Variants in CCNY observed in about 807,000 individuals in gnomAD.
The protein encoded by CCNY is cyclin-Y.
A neutral mutation model predicts 42.8 loss-of-function variants in CCNY; 19 were observed. The observed-to-expected ratio is 0.44, with a 90% confidence interval of 0.31 to 0.65. The LOEUF (loss-of-function observed/expected upper bound fraction) is 0.65. Ranked by LOEUF, CCNY falls within the 30% of genes least tolerant of loss-of-function variation. The pLI, the probability that CCNY is intolerant of heterozygous loss-of-function variation, is 0.07. For synonymous variants in CCNY, 165 were observed against 162.7 expected (o/e 1.01, Z -0.11); for missense variants, 370 against 437.3 (o/e 0.85, Z 1.37).
intron 3 of CCNY, among the ~76,000 whole-genome samples, chr10:35,279,933 T>A (rs1382152948): frequency 6.6e-6 from 1 of 152,238 alleles, no homozygotes; most frequent in Non-Finnish European, 1.5e-5. Flanking sequence ...AACTCCTCAA[T>A]AAACTTGTTT....
At chr10:35,465,792 G>A (rs1239696022) in intron 1 of CCNY, among the ~76,000 whole-genome samples, 1 of 152,086 alleles carries the variant, frequency 6.6e-6, no homozygotes, top group Non-Finnish European at 1.5e-5. Flanking sequence ...AATCTCACCT[G>A]CTCTGTGCAG....
chr10:35,444,332 C>T (rs541557653), intron 1 of CCNY, among the ~76,000 whole-genome samples: 2 of 151,508 alleles, frequency 1.3e-5, no homozygotes, highest in East Asian at 3.9e-4. Context: ...ACTGCAACCT[C>T]TGCCCCCCGG....
At chr10:35,419,203 A>G (rs1009252248) in intron 1 of CCNY, among the ~76,000 whole-genome samples, 1 of 152,192 alleles carries the variant, frequency 6.6e-6, no homozygotes, top group Non-Finnish European at 1.5e-5. Flanking sequence ...TGGGTGCTCA[A>G]TTGTATTACT....
intron 7 of CCNY, among the ~76,000 whole-genome samples, chr10:35,538,678 A>G (rs1003148222): frequency 2.6e-5 from 4 of 152,206 alleles, no homozygotes; most frequent in Non-Finnish European, 4.4e-5. Flanking sequence ...GTTGCATTAT[A>G]GGAGTTCTTT....
Position 35,306,656 on chromosome 10 carries a change from A to ACCCCTTCTCCCACATGCCCTCT in CCNY, c.-9+56058_-9+56079dup, listed in dbSNP as rs772486197. ...ACTCCCCGGTCTGTTCACTGTCCTC[A>ACCCCTTCTCCCACATGCCCTCT]CCCCTTCTCCCACATGCCCTCTCCC... On this transcript the variant is annotated intron_variant, in intron 3 of 11. Transcript: ENST00000374706. Among the ~76,000 whole-genome samples the ACCCCTTCTCCCACATGCCCTCT allele has an allele frequency of 2.3e-4, 35 of 151,764 alleles. No individual in the cohort carries two copies. In the South Asian group the frequency reaches 2.9e-3, roughly 13 times the overall value.
At chr10:35,315,081 C>A (rs928714608) in intron 3 of CCNY, 5 of 151,570 alleles carry the variant, frequency 3.3e-5, no homozygotes, top group Non-Finnish European at 7.4e-5. Flanking sequence ...AACTCCGTCT[C>A]AAAAAAATAT....
At chr10:35,321,349 G>T (rs1203596342) in intron 3 of CCNY, among the ~76,000 whole-genome samples, 1 of 151,912 alleles carries the variant, frequency 6.6e-6, no homozygotes, top group African/African-American at 2.4e-5. Context: ...TTCCCAAATT[G>T]TTCCACAGAT....
At chr10:35,423,531 G>GA (rs1334842867) in intron 1 of CCNY, among the ~76,000 whole-genome samples, 17 of 150,848 alleles carry the variant, frequency 1.1e-4, no homozygotes, top group Admixed American at 2.0e-4. Flanking sequence ...GGGGTGGGGA[G>GA]ACGTACATTG....
At chr10:35,261,869 A>C (rs1336583359) in intron 3 of CCNY, among the ~76,000 whole-genome samples, 1 of 151,958 alleles carries the variant, frequency 6.6e-6, no homozygotes, top group Non-Finnish European at 1.5e-5. Flanking sequence ...AAAAACACAA[A>C]AATTAGCCAG....
rs1386280715 is a variant in CCNY at position 35,569,946 on chromosome 10, T to TG, written c.*777dup. On this transcript the variant is annotated 3_prime_UTR_variant, in exon 10 of 10. Coordinates refer to ENST00000374704, the MANE Select transcript of CCNY (RefSeq NM_145012.6). The stretch of plus-strand genomic sequence containing the variant: ...GGGTGCTTGTGCCTTCCGATTTTCT[T>TG]GCATTTGTTTTTTTCCTGACCTGAA... 6.5e-6 allele frequency: 1 copy of TG among 152,732 alleles called. No individual in the cohort carries two copies. The highest frequency in any genetic ancestry group is 1.5e-5 in the Non-Finnish European group (1 of 68,046). The allele number at this position is 152,732 out of a possible 1,614,324, so 9.5% of individuals were successfully genotyped here. A position where few individuals can be genotyped will look rare whatever the true frequency, so the allele number is the denominator to read the frequency against.
intron 5 of CCNY, among the ~76,000 whole-genome samples, chr10:35,528,303 C>T (rs1320335394): frequency 6.6e-6 from 1 of 152,208 alleles, no homozygotes; most frequent in Non-Finnish European, 1.5e-5. Flanking sequence ...CACAGACTAC[C>T]TGCTGGGTTG....
At chr10:35,366,582 T>C (rs1398847898) in intron 1 of CCNY, among the ~76,000 whole-genome samples, 1 of 152,256 alleles carries the variant, frequency 6.6e-6, no homozygotes, top group East Asian at 1.9e-4. Context: ...CAGCAGTTGC[T>C]TTCCCTAGGC....
intron 1 of CCNY, among the ~76,000 whole-genome samples, chr10:35,479,369 ATGATAGAC>A (rs1839604333): frequency 6.8e-6 from 1 of 146,006 alleles, no homozygotes; most frequent in South Asian, 2.2e-4. Flanking sequence ...ATGTCCAACA[ATGATAGAC>A]TGGATTAAGA....
At chr10:35,397,104 C>T (rs1274331116) in intron 1 of CCNY, among the ~76,000 whole-genome samples, 2 of 152,186 alleles carry the variant, frequency 1.3e-5, no homozygotes, top group African/African-American at 4.8e-5. Flanking sequence ...GGGCTGGGGT[C>T]CCTCTGCCAC....
intron 3 of CCNY, among the ~76,000 whole-genome samples, chr10:35,322,794 C>T (rs557427170): frequency 1.3e-5 from 2 of 152,284 alleles, no homozygotes; most frequent in African/African-American, 2.4e-5. Context: ...GATACCACTA[C>T]GTATCCATTA....
rs369345052 is a variant in CCNY, at chr10:35,462,640, T to A, written c.155-20764T>A. ...TATTTGCACTCACTGCTGCTGCAGCTGCTCTCTGTGACAGCTTCTCAGAGT... is the reference window on the plus strand; with the variant it reads ...TATTTGCACTCACTGCTGCTGCAGCAGCTCTCTGTGACAGCTTCTCAGAGT... On this transcript the variant is annotated intron_variant, in intron 1 of 9. Coordinates refer to ENST00000374704, the MANE Select transcript of CCNY (RefSeq NM_145012.6). 3.0e-4 allele frequency among the ~76,000 whole-genome samples: 45 copies of A among 152,350 alleles called. No individual in the cohort carries two copies. The East Asian group carries it at 6.2e-3, about 21-fold the overall frequency.
intron 1 of CCNY, among the ~76,000 whole-genome samples, chr10:35,337,458 G>C (rs1447728446): frequency 6.6e-6 from 1 of 152,190 alleles, no homozygotes; most frequent in African/African-American, 2.4e-5. Context: ...CCTAGGGCGG[G>C]TGTGTGCGCG....
At chr10:35,333,464 C>T (rs1044300141), upstream of CCNY, among the ~76,000 whole-genome samples, 3 of 152,144 alleles carry the variant, frequency 2.0e-5, no homozygotes, top group Non-Finnish European at 4.4e-5. Flanking sequence ...TAGCTCCCAG[C>T]TTCCTTTAGG....
chr10:35,548,286 A>G (rs1841160569), intron 7 of CCNY, among the ~76,000 whole-genome samples: 1 of 146,842 alleles, frequency 6.8e-6, no homozygotes, highest in Admixed American at 6.8e-5. Flanking sequence ...AAATATATAT[A>G]TTTATGTATA....
Sources: gnomAD v4.1 joint callset for allele counts (sites outside exome capture counted in the v4.1 genomes callset) on GRCh38, gnomAD v4.1.1 for gene constraint, MANE v1.5 for transcripts, NCBI Gene and HGNC (gene_info 2026-07-23, HGNC 2026-07-21) for gene names.